LMAN1L: variants seen among roughly 807,000 people sequenced by gnomAD.
LMAN1L encodes protein ERGIC-53-like.
A neutral mutation model predicts 58.3 loss-of-function variants in LMAN1L; 60 were observed. The observed-to-expected ratio is 1.03, with a 90% CI of 0.84 to 1.27. The LOEUF is 1.27. LMAN1L is among the 50% of genes most tolerant of loss of function. The pLI, the probability that LMAN1L is intolerant of heterozygous loss-of-function variation, is 0.00. For missense variants in LMAN1L, 629 were observed against 674.0 expected (o/e 0.93, Z 0.74); for synonymous variants, 280 against 271.6 (o/e 1.03, Z -0.31).
intron 5 of LMAN1L, 63 bp from the exon 6 acceptor site, chr15:74,819,089 G>C (rs1204433275): frequency 6.5e-7 from 1 of 1,542,290 alleles, no homozygotes; most frequent in African/African-American, 1.4e-5. Context: ...CCCACGGCCA[G>C]GGGAGCCAGG....
Position 74,821,141 on chromosome 15 carries a change from G to T in LMAN1L, c.974G>T (p.Gly325Val). The change falls in exon 9 of 14, where the codon GGT becomes GTT. Residue 325 changes from glycine to valine, a missense_variant. Gly to Val is a moderately radical substitution (Grantham distance 109). Around this residue, in one of 3 missense-constraint regions of LMAN1L, gnomAD observed 573 missense variants for 597.3 expected, o/e 0.96. Coordinates refer to ENST00000309664, the MANE Select transcript of LMAN1L (RefSeq NM_021819.3). ...CGCCGGATCCTGCAGGCTCTGCGGG[G>T]TCTCTCCAAGCAGCTGGCCCAGGCT... ...RHRRILQALR[G>V]LSKQLAQAER... is the part of the protein sequence containing the mutation. The T allele has an allele frequency of 1.9e-6, 3 of 1,558,428 alleles. No homozygotes were observed. Among genetic ancestry groups the T allele is most frequent in the Non-Finnish European group, 1.7e-6 (2 of 1,151,164 alleles).
chr15:74,821,247 C>G (rs1451671695), intron 9 of LMAN1L, 21 bp downstream of exon 9: 1 of 1,546,808 alleles, frequency 6.5e-7, no homozygotes, highest in Admixed American at 2.0e-5. Flanking sequence ...CTACAGGCAT[C>G]CAAGGCTCCA....
chr15:74,815,195 T>A (rs577042743), intron 1 of LMAN1L, among the ~76,000 whole-genome samples: 73 of 152,336 alleles, frequency 4.8e-4, no homozygotes, highest in African/African-American at 1.7e-3. Flanking sequence ...CTGCAAGGAT[T>A]TCAGAGGCAG....
intron 4 of LMAN1L, 95 bp downstream of exon 4, chr15:74,816,785 A>AG: frequency 1.6e-6 from 2 of 1,245,256 alleles, no homozygotes; most frequent in Non-Finnish European, 2.2e-6. Context: ...CTCCTCCAGC[A>AG]GGGGGCCCAC....
At position 74,825,684 on chromosome 15, in the gene LMAN1L, T is replaced by C. The variant is rs1035931157; in HGVS notation, c.*79T>C. 2 of 1,473,206 alleles carry C rather than the reference T, an allele frequency of 1.4e-6. No homozygotes were observed. Among genetic ancestry groups the C allele is most frequent in the Non-Finnish European group, 1.9e-6 (2 of 1,079,018 alleles). 91.3% of individuals were successfully genotyped at this position (1,473,206 alleles called of 1,614,324 possible). The stretch of plus-strand genomic sequence containing the variant: ...GGGCTTGGTCAGTATCCTCTCCGTC[T>C]GGGTGCCCAGCTCCCACGCACACCT... On this transcript the variant is annotated 3_prime_UTR_variant, in exon 14 of 14. Coordinates refer to ENST00000309664, the MANE Select transcript of LMAN1L (RefSeq NM_021819.3).
At chr15:74,824,327 G>C in intron 12 of LMAN1L, 24 bp from the exon 13 acceptor site, 1 of 1,611,390 alleles carries the variant, frequency 6.2e-7, no homozygotes, top group East Asian at 2.2e-5. Context: ...AGCTAAGCTA[G>C]GACCTTAGAC....
chr15:74,824,241 C>G, intron 12 of LMAN1L, 110 bp from the exon 13 acceptor site: 1 of 1,034,802 alleles, frequency 9.7e-7, no homozygotes. Context: ...AGAGCCAGGA[C>G]GCCCCAAGCC....
intron 4 of LMAN1L, among the ~76,000 whole-genome samples, chr15:74,816,998 T>C (rs1463666903): frequency 6.6e-6 from 1 of 152,178 alleles, no homozygotes; most frequent in Non-Finnish European, 1.5e-5. Context: ...GGTCAGGACA[T>C]TGAGCCCAGA....
intron 2 of LMAN1L, 25 bp downstream of exon 2, chr15:74,816,336 CAG>C (rs1567223464): frequency 6.2e-7 from 1 of 1,610,132 alleles, no homozygotes; most frequent in Non-Finnish European, 8.5e-7. Flanking sequence ...CCAGAGCTGA[CAG>C]AGCGGGGTGG....
rs765216018 is a variant in LMAN1L, at chr15:74,822,570, C to A, written c.1132-72C>A. On this transcript the variant is annotated intron_variant, in intron 10 of 13. Coordinates refer to ENST00000309664, the MANE Select transcript of LMAN1L (RefSeq NM_021819.3). The stretch of plus-strand genomic sequence containing the variant: ...CTCTGGAAGGAAGAGGCTGCAGTGC[C>A]GCTGGGAAGGTGGGCTCTGAGAAGA... 2.4e-6 allele frequency: 3 copies of A among 1,258,536 alleles called. No homozygotes were observed. The East Asian group carries it at 7.0e-5, about 29-fold the overall frequency. 78.0% of individuals were successfully genotyped at this position (1,258,536 alleles called of 1,614,324 possible).
intron 4 of LMAN1L, among the ~76,000 whole-genome samples, chr15:74,817,927 C>T (rs923863082): frequency 2.2e-4 from 33 of 151,346 alleles, no homozygotes; most frequent in Middle Eastern, 3.4e-3. Context: ...GCAGGAGAAC[C>T]GCTTGAACCC....
intron 1 of LMAN1L, 31 bp downstream of exon 1, chr15:74,813,060 C>T: frequency 1.3e-6 from 2 of 1,590,668 alleles, no homozygotes; most frequent in Non-Finnish European, 1.7e-6. Context: ...CCAGCTATGC[C>T]CAGGGTCCCT....
intron 11 of LMAN1L, 92 bp downstream of exon 11, chr15:74,822,801 G>A (rs1043085021): frequency 8.5e-6 from 8 of 945,876 alleles, no homozygotes; most frequent in Middle Eastern, 2.1e-4. Context: ...TTTCCTGAGC[G>A]CCCAGCACAC....
In LMAN1L at chr15:74,821,305, C is replaced by A. The variant is rs1326209628; in HGVS notation, c.1059+79C>A. 16 of 1,458,012 alleles carry A rather than the reference C, an allele frequency of 1.1e-5. No individual in the cohort carries two copies. In the East Asian group the frequency reaches 4.0e-4, roughly 36 times the overall value. 90.3% of individuals were successfully genotyped at this position (1,458,012 alleles called of 1,614,324 possible). ...AAGCACTGTAGTCAGCAACTAGTCT[C>A]CCCTAAGGCCTGGAGGGAAAGGAAG... On this transcript the variant is annotated intron_variant, in intron 9 of 13. Coordinates refer to ENST00000309664, the MANE Select transcript of LMAN1L (RefSeq NM_021819.3).
intron 4 of LMAN1L, among the ~76,000 whole-genome samples, chr15:74,818,227 T>A (rs537623484): frequency 6.6e-6 from 1 of 152,102 alleles, no homozygotes; most frequent in Non-Finnish European, 1.5e-5. Flanking sequence ...TGCTCCTCTC[T>A]CTTCTGCCAA....
At chr15:74,820,552 C>A (rs562532851) in intron 7 of LMAN1L, 83 bp from the exon 8 acceptor site, 1 of 1,568,442 alleles carries the variant, frequency 6.4e-7, no homozygotes, top group African/African-American at 1.4e-5. Context: ...AGGCTGGGCT[C>A]GTGGGGAAGC....
chr15:74,819,993 G>A, intron 6 of LMAN1L, 51 bp from the exon 7 acceptor site: 2 of 1,543,118 alleles, frequency 1.3e-6, no homozygotes, highest in Non-Finnish European at 1.8e-6. Flanking sequence ...GCTGAGCGAG[G>A]GGGTTGCTGG....
intron 4 of LMAN1L, 55 bp downstream of exon 4, chr15:74,816,745 C>T: frequency 2.0e-6 from 3 of 1,519,896 alleles, no homozygotes; most frequent in Non-Finnish European, 2.7e-6. Flanking sequence ...GGGAGGGGCC[C>T]ATCCCCCCCA....
chr15:74,813,297 A>T (rs2063874135), intron 1 of LMAN1L: 1 of 594,230 alleles, frequency 1.7e-6, no homozygotes, highest in Non-Finnish European at 3.2e-6. Context: ...CTCTCCTTGG[A>T]CCCCTGCCCT....
Sources: gnomAD v4.1 joint callset for allele counts (sites outside exome capture counted in the v4.1 genomes callset) on GRCh38, gnomAD v4.1.1 for gene constraint, gnomAD v4.1.1 regional missense constraint, MANE v1.5 for transcripts, NCBI Gene and HGNC (gene_info 2026-07-23, HGNC 2026-07-21) for gene names.